The following CDH12 variants were observed in gnomAD, a reference collection of about 807,000 sequenced individuals.
The protein encoded by CDH12 is cadherin 12, also known as cadherin-12.
CDH12 carries 41 observed loss-of-function variants against 74.1 expected under a neutral mutation model. The ratio of observed to expected loss-of-function variants is 0.55; its 90% CI spans 0.43 to 0.72. CDH12 has a LOEUF of 0.72. CDH12 is among the 30% of genes least tolerant of loss of function. The probability of loss-of-function intolerance (pLI) is 0.00; values close to 1 mark genes in which losing one functional copy is unlikely to be tolerated. For missense variants in CDH12, 945 were observed against 977.2 expected, an observed-to-expected ratio of 0.97 and a Z score of 0.44; for synonymous variants, 399 against 355.0, an observed-to-expected ratio of 1.12 and a Z score of -1.39.
intron 4 of CDH12, among the ~76,000 whole-genome samples, chr5:22,197,270 C>T (rs1308957936): frequency 1.3e-5 from 2 of 151,796 alleles, no homozygotes; most frequent in Non-Finnish European, 2.9e-5. Flanking sequence ...CAGTGAAACC[C>T]TGTCTCTACT....
chr5:22,081,639 A>G (rs1022154020), intron 4 of CDH12, among the ~76,000 whole-genome samples: 2 of 152,184 alleles, frequency 1.3e-5, no homozygotes, highest in Admixed American at 1.3e-4. Flanking sequence ...ACTTTAGAGA[A>G]CACTGACATC....
At chr5:21,978,263 T>C (rs1446763484) in intron 5 of CDH12, among the ~76,000 whole-genome samples, 1 of 152,082 alleles carries the variant, frequency 6.6e-6, no homozygotes, top group Non-Finnish European at 1.5e-5. Context: ...TGCCTCAGCC[T>C]CCAGAGTAGC....
chr5:22,073,429 G>T (rs1011236359), intron 5 of CDH12, among the ~76,000 whole-genome samples: 2 of 152,090 alleles, frequency 1.3e-5, no homozygotes, highest in Admixed American at 6.6e-5. Flanking sequence ...TATCCATGTT[G>T]GTATAAGCAT....
intron 1 of CDH12, among the ~76,000 whole-genome samples, chr5:22,787,277 T>C (rs1452482250): frequency 6.6e-6 from 1 of 152,188 alleles, no homozygotes; most frequent in African/African-American, 2.4e-5. Flanking sequence ...TCTGTCCTAA[T>C]TAATTCCCTT....
At chr5:22,223,360 G>GA (rs1275667068) in intron 3 of CDH12, among the ~76,000 whole-genome samples, 2 of 151,880 alleles carry the variant, frequency 1.3e-5, no homozygotes, top group African/African-American at 2.4e-5. Context: ...AAGACATCAA[G>GA]AAAAAACAGG....
intron 5 of CDH12, among the ~76,000 whole-genome samples, chr5:21,987,785 T>A (rs1214139390): frequency 6.6e-6 from 1 of 152,174 alleles, no homozygotes; most frequent in African/African-American, 2.4e-5. Context: ...TTACACATAC[T>A]AGGGAAAAGC....
At chr5:22,025,715 T>A (rs1025439148) in intron 5 of CDH12, among the ~76,000 whole-genome samples, 8 of 152,146 alleles carry the variant, frequency 5.3e-5, no homozygotes, top group African/African-American at 1.4e-4. Flanking sequence ...AAAATTGGAG[T>A]CAATCCTCTC....
chr5:21,834,835 T>C (rs1395663380), intron 8 of CDH12, among the ~76,000 whole-genome samples: 2 of 151,988 alleles, frequency 1.3e-5, no homozygotes, highest in Non-Finnish European at 2.9e-5. Context: ...ACCTCAATTA[T>C]TTGAATAAGC....
chr5:21,955,796 G>A (rs149818671), intron 6 of CDH12, among the ~76,000 whole-genome samples: 72 of 152,176 alleles, frequency 4.7e-4, no homozygotes, highest in African/African-American at 1.7e-3. Context: ...GTGTGATGGC[G>A]TGACTCAGGT....
At chr5:22,069,690 T>C (rs184697629) in intron 5 of CDH12, among the ~76,000 whole-genome samples, 1 of 152,208 alleles carries the variant, frequency 6.6e-6, no homozygotes, top group Admixed American at 6.5e-5. Flanking sequence ...AGGAAGGAAA[T>C]TACTGTGCTG....
rs935687260 is a variant in CDH12 at position 22,516,401 on chromosome 5, GT to G, written c.-522-11038del. On this transcript the variant is annotated intron_variant, in intron 1 of 14. Transcript: ENST00000382254. ...TAAAATAAAATTATGAAAACATAAG[GT>G]TTTTATTTTTCATTTTTATTAAGAA... Among the ~76,000 whole-genome samples, 3 of 152,132 alleles carry G rather than the reference GT, an allele frequency of 2.0e-5. No homozygotes were observed. The East Asian group carries it at 5.8e-4, about 29-fold the overall frequency.
chr5:22,124,759 G>A (rs1454124618), intron 4 of CDH12, among the ~76,000 whole-genome samples: 1 of 152,152 alleles, frequency 6.6e-6, no homozygotes, highest in Non-Finnish European at 1.5e-5. Flanking sequence ...ATCTTTGAAT[G>A]TATGGAGGCA....
chr5:22,114,742 C>T (rs1026300289), intron 4 of CDH12, among the ~76,000 whole-genome samples: 3 of 152,070 alleles, frequency 2.0e-5, no homozygotes, highest in Non-Finnish European at 4.4e-5. Context: ...TTTGAAGCCA[C>T]GTTATGTCAG....
intron 4 of CDH12, among the ~76,000 whole-genome samples, chr5:22,197,018 A>G (rs1270415273): frequency 6.6e-6 from 1 of 152,204 alleles, no homozygotes; most frequent in Admixed American, 6.5e-5. Flanking sequence ...ATACAAGTTT[A>G]CCTACATAAA....
chr5:22,111,745 G>C (rs946452171), intron 4 of CDH12, among the ~76,000 whole-genome samples: 5 of 152,102 alleles, frequency 3.3e-5, no homozygotes, highest in Non-Finnish European at 7.4e-5. Flanking sequence ...CCAAAAGATG[G>C]CCTACCTTTG....
At chr5:22,485,055 T>A (rs1358717023) in intron 2 of CDH12, among the ~76,000 whole-genome samples, 1 of 152,234 alleles carries the variant, frequency 6.6e-6, no homozygotes, top group East Asian at 1.9e-4. Context: ...GGAAAATTTC[T>A]ATGTACTTCT....
intron 14 of CDH12, 143 bp from the exon 15 acceptor site, chr5:21,752,379 T>C (rs1012949157): frequency 3.0e-6 from 2 of 671,598 alleles, no homozygotes; most frequent in South Asian, 2.0e-5. Flanking sequence ...CCATAATCAA[T>C]AGGATCATAC....
At chr5:22,244,156 GTA>G (rs1752837264) in intron 3 of CDH12, among the ~76,000 whole-genome samples, 1 of 151,946 alleles carries the variant, frequency 6.6e-6, no homozygotes, top group Non-Finnish European at 1.5e-5. Flanking sequence ...CAATTAATAT[GTA>G]TATACAATAT....
intron 5 of CDH12, among the ~76,000 whole-genome samples, chr5:22,059,377 A>G (rs1488518714): frequency 1.2e-5 from 1 of 85,826 alleles, no homozygotes; most frequent in African/African-American, 9.1e-5. Flanking sequence ...CTATCTATCT[A>G]TCTATCTATC....
Sources: allele counts gnomAD v4.1 joint callset (sites outside exome capture counted in the v4.1 genomes callset), GRCh38; gene constraint gnomAD v4.1.1; transcripts MANE v1.5; gene names NCBI Gene and HGNC (gene_info 2026-07-23, HGNC 2026-07-21).